Variants in KHDRBS2 observed in about 807,000 individuals in gnomAD.
KHDRBS2 encodes KH domain-containing, RNA-binding, signal transduction-associated protein 2.
In KHDRBS2, 26 loss-of-function variants were observed where a neutral mutation model predicts 44.3. That is an observed-to-expected ratio of 0.59 (90% CI 0.43 to 0.81). The LOEUF (loss-of-function observed/expected upper bound fraction) is 0.81, where lower values mean the gene tolerates loss of function less well. Ranked by LOEUF, KHDRBS2 falls within the 40% of genes least tolerant of loss-of-function variation. KHDRBS2 has a pLI of 0.00. For missense variants in KHDRBS2, 476 were observed against 433.1 expected, an observed-to-expected ratio of 1.10 and a Z score of -0.88; for synonymous variants, 194 against 151.1, an observed-to-expected ratio of 1.28 and a Z score of -2.08.
At chr6:62,238,672 C>T (rs1382249579) in intron 1 of KHDRBS2, among the ~76,000 whole-genome samples, 2 of 145,594 alleles carry the variant, frequency 1.4e-5, no homozygotes, top group African/African-American at 5.0e-5. Context: ...GGATGAAAGG[C>T]TTTTAAGTTT....
intron 6 of KHDRBS2, among the ~76,000 whole-genome samples, chr6:61,801,175 A>T (rs1456495647): frequency 1.3e-5 from 2 of 152,224 alleles, no homozygotes; most frequent in African/African-American, 4.8e-5. Flanking sequence ...ATATGAAAAC[A>T]TATATTTTCT....
chr6:62,010,964 C>T (rs1453628274), intron 3 of KHDRBS2, among the ~76,000 whole-genome samples: 1 of 152,054 alleles, frequency 6.6e-6, no homozygotes, highest in Non-Finnish European at 1.5e-5. Context: ...ATTTGTCCCT[C>T]TTATTTCAGA....
At chr6:61,972,893 C>A (rs1771731320) in intron 4 of KHDRBS2, among the ~76,000 whole-genome samples, 2 of 152,150 alleles carry the variant, frequency 1.3e-5, no homozygotes, top group African/African-American at 4.8e-5. Context: ...TGCCTGTCAT[C>A]CCAGCATTTT....
the KHDRBS2 span, among the ~76,000 whole-genome samples, chr6:61,621,315 C>G: frequency 8.5e-5 from 13 of 152,258 alleles, no homozygotes; most frequent in East Asian, 2.5e-3. Context: ...ATGGTGGAGT[C>G]ATACATTTAT....
chr6:61,626,277 C>T, the KHDRBS2 span, among the ~76,000 whole-genome samples: 2 of 152,154 alleles, frequency 1.3e-5, no homozygotes, highest in Non-Finnish European at 2.9e-5. Context: ...TTTTAATTTG[C>T]ATAAAATCCT....
the KHDRBS2 span, among the ~76,000 whole-genome samples, chr6:61,594,050 G>A: frequency 6.6e-6 from 1 of 151,974 alleles, no homozygotes; most frequent in African/African-American, 2.4e-5. Flanking sequence ...ATACAAATAT[G>A]TATACTGCCA....
At chr6:61,751,063 C>A (rs1777615861) in intron 6 of KHDRBS2, among the ~76,000 whole-genome samples, 1 of 151,998 alleles carries the variant, frequency 6.6e-6, no homozygotes, top group Non-Finnish European at 1.5e-5. Context: ...TAAATACTTG[C>A]ATAAATTATT....
the KHDRBS2 span, among the ~76,000 whole-genome samples, chr6:61,663,959 G>A: frequency 6.6e-6 from 1 of 151,778 alleles, no homozygotes; most frequent in African/African-American, 2.4e-5. Context: ...TCAAAAGTTT[G>A]GAAAGAATTG....
chr6:62,204,585 T>A (rs1249027585), intron 1 of KHDRBS2, among the ~76,000 whole-genome samples: 1 of 152,174 alleles, frequency 6.6e-6, no homozygotes, highest in Non-Finnish European at 1.5e-5. Context: ...TTTTGGAGCA[T>A]TTCAGATTTT....
At chr6:62,056,730 T>G (rs1790371748) in intron 2 of KHDRBS2, among the ~76,000 whole-genome samples, 1 of 151,902 alleles carries the variant, frequency 6.6e-6, no homozygotes, top group Non-Finnish European at 1.5e-5. Context: ...CAGTAAAACA[T>G]CAAACTCAGA....
intron 1 of KHDRBS2, among the ~76,000 whole-genome samples, chr6:62,225,271 T>C (rs1831575310): frequency 1.3e-5 from 2 of 152,338 alleles, no homozygotes; most frequent in South Asian, 4.1e-4. Context: ...TAATGTTGCA[T>C]CACTTTCTGT....
intron 2 of KHDRBS2, among the ~76,000 whole-genome samples, chr6:62,107,206 C>T (rs548090237): frequency 3.9e-4 from 60 of 152,134 alleles, no homozygotes; most frequent in Non-Finnish European, 7.1e-4. Context: ...ATTGTCTCAG[C>T]CCAAAATCTC....
intron 1 of KHDRBS2, among the ~76,000 whole-genome samples, chr6:62,281,351 GTGGTTCATGCCTGTAATCCTAGCACTT>G (rs1841766301): frequency 6.6e-6 from 1 of 152,154 alleles, no homozygotes; most frequent in African/African-American, 2.4e-5. Context: ...GCCGGGCACA[GTGGTTCATGCCTGTAATCCTAGCACTT>G]TGGGAGGATG....
chr6:61,885,201 G>A (rs1234044239), intron 6 of KHDRBS2, among the ~76,000 whole-genome samples: 1 of 151,408 alleles, frequency 6.6e-6, no homozygotes, highest in African/African-American at 2.4e-5. Context: ...ATTTTCTATA[G>A]ACAGGAAACA....
intron 4 of KHDRBS2, among the ~76,000 whole-genome samples, chr6:61,943,877 A>G (rs1456812795): frequency 6.6e-6 from 1 of 152,230 alleles, no homozygotes; most frequent in African/African-American, 2.4e-5. Flanking sequence ...AAAAGAAGAT[A>G]TAGTGACGAC....
intron 2 of KHDRBS2, among the ~76,000 whole-genome samples, chr6:62,054,541 T>G (rs1789831667): frequency 6.6e-6 from 1 of 152,038 alleles, no homozygotes; most frequent in African/African-American, 2.4e-5. Context: ...TGAGGGATTA[T>G]CCTGGATTAC....
intron 4 of KHDRBS2, among the ~76,000 whole-genome samples, chr6:61,905,266 A>G (rs1053212325): frequency 2.6e-5 from 4 of 152,148 alleles, no homozygotes; most frequent in African/African-American, 9.7e-5. Flanking sequence ...AATAATGAAA[A>G]GACTAGTGCA....
chr6:62,116,448 G>A (rs1275474431), intron 2 of KHDRBS2, among the ~76,000 whole-genome samples: 1 of 151,804 alleles, frequency 6.6e-6, no homozygotes, highest in African/African-American at 2.4e-5. Flanking sequence ...TTTTGTGCCT[G>A]GCATATTTTT....
chr6:62,061,466 C>G (rs1445425246), intron 2 of KHDRBS2, among the ~76,000 whole-genome samples: 25 of 150,838 alleles, frequency 1.7e-4, no homozygotes, highest in East Asian at 4.0e-4. Context: ...ATTCTGGGTT[C>G]AAAATTCTTT....
Sources: gnomAD v4.1 joint callset for allele counts (sites outside exome capture counted in the v4.1 genomes callset) on GRCh38, gnomAD v4.1.1 for gene constraint, MANE v1.5 for transcripts, NCBI Gene and HGNC (gene_info 2026-07-23, HGNC 2026-07-21) for gene names.